PTN: variants seen among roughly 807,000 people sequenced by gnomAD.
PTN encodes the protein heparin affin regulatory protein.
Under a neutral mutation model 24.1 loss-of-function variants are expected in PTN, and 18 were observed. The ratio of observed to expected loss-of-function variants is 0.75; its 90% confidence interval spans 0.52 to 1.11. PTN has a LOEUF of 1.11. Among genes scored for constraint, PTN ranks in the 50% least tolerant of loss-of-function variants. The pLI is 0.00. For missense variants in PTN, 163 were observed against 198.8 expected (o/e 0.82, Z 1.08); for synonymous variants, 78 against 68.6 (o/e 1.14, Z -0.67).
intron 1 of PTN, among the ~76,000 whole-genome samples, chr7:137,324,130 T>C (rs1246947614): frequency 2.0e-5 from 3 of 152,008 alleles, no homozygotes; most frequent in Non-Finnish European, 4.4e-5. Context: ...GCTAGTGCCA[T>C]AGTAGGTCGT....
At chr7:137,274,009 C>A (rs1186248463) in intron 1 of PTN, among the ~76,000 whole-genome samples, 7 of 149,492 alleles carry the variant, frequency 4.7e-5, no homozygotes, top group African/African-American at 1.7e-4. Context: ...AGAATAAGCA[C>A]TAACACCTCA....
chr7:137,254,946 G>A lies in PTN; in HGVS notation c.28C>T (p.Arg10Cys), dbSNP rs200423495. 138 of 1,574,540 alleles carry A rather than the reference G, an allele frequency of 8.8e-5. No homozygotes were observed. The highest frequency in any genetic ancestry group is 5.1e-4 in the Middle Eastern group (3 of 5,894). Reference protein sequence around the residue: MQAQQYQQQRRKFAAAFLAF... With the variant: MQAQQYQQQCRKFAAAFLAF... ...AAGAAGGCAGCTGCAAATTTTCGAC[G>A]CTGCTGCTGGTACTGTTGAGCCTGC... The change falls in exon 2 of 5, where the codon CGT becomes TGT. Residue 10 changes from arginine to cysteine, a missense_variant. Arg to Cys is a radical substitution (Grantham distance 180). Coordinates refer to ENST00000348225, the MANE Select transcript of PTN (RefSeq NM_002825.7).
intron 1 of PTN, among the ~76,000 whole-genome samples, chr7:137,258,758 G>A (rs570559849): frequency 1.3e-5 from 2 of 152,160 alleles, no homozygotes; most frequent in African/African-American, 4.8e-5. Context: ...ATAGTTGATT[G>A]TTTATTTGTC....
chr7:137,296,866 T>C (rs1281370068), intron 1 of PTN, among the ~76,000 whole-genome samples: 1 of 152,020 alleles, frequency 6.6e-6, no homozygotes, highest in Non-Finnish European at 1.5e-5. Context: ...TCGAAGCAGA[T>C]TGGATGGCCT....
At chr7:137,239,970 T>A (rs1349742015) in intron 4 of PTN, among the ~76,000 whole-genome samples, 1 of 152,146 alleles carries the variant, frequency 6.6e-6, no homozygotes, top group Admixed American at 6.5e-5. Flanking sequence ...AAGCTCTCTT[T>A]GGCCTGAAGG....
At chr7:137,257,070 A>G (rs975781660) in intron 1 of PTN, among the ~76,000 whole-genome samples, 5 of 152,216 alleles carry the variant, frequency 3.3e-5, no homozygotes, top group Admixed American at 6.5e-5. Context: ...GGGAATGTAA[A>G]TAAGTGTTGT....
At chr7:137,324,061 G>C (rs1810209429) in intron 1 of PTN, among the ~76,000 whole-genome samples, 1 of 152,106 alleles carries the variant, frequency 6.6e-6, no homozygotes, top group Admixed American at 6.5e-5. Flanking sequence ...AAATCAGCCA[G>C]TTGTAGAGGC....
intron 1 of PTN, among the ~76,000 whole-genome samples, chr7:137,302,028 AAC>A (rs776941191): frequency 2.0e-5 from 3 of 152,050 alleles, no homozygotes; most frequent in Non-Finnish European, 4.4e-5. Flanking sequence ...CAATAGCATT[AAC>A]AGTTATTTCT....
chr7:137,289,105 A>C (rs188209966), intron 1 of PTN, among the ~76,000 whole-genome samples: 1 of 152,198 alleles, frequency 6.6e-6, no homozygotes, highest in South Asian at 2.1e-4. Context: ...AAGAGAATCA[A>C]AGAGGTTCAG....
intron 1 of PTN, chr7:137,326,796 CTG>C (rs554415650): frequency 2.7e-4 from 41 of 152,278 alleles, no homozygotes; most frequent in African/African-American, 9.4e-4. Context: ...TGAAATTTCA[CTG>C]ATTAGCTATT....
At chr7:137,316,910 C>A (rs1452950152) in intron 1 of PTN, among the ~76,000 whole-genome samples, 1 of 152,170 alleles carries the variant, frequency 6.6e-6, no homozygotes, top group Non-Finnish European at 1.5e-5. Flanking sequence ...GTCACAGCCA[C>A]CCCTCGGTGC....
chr7:137,258,505 A>G (rs992876022), intron 1 of PTN, among the ~76,000 whole-genome samples: 2 of 152,138 alleles, frequency 1.3e-5, no homozygotes, highest in Admixed American at 6.6e-5. Context: ...TATTTTGTTC[A>G]TCATTCTACT....
intron 1 of PTN, among the ~76,000 whole-genome samples, chr7:137,273,221 T>C (rs1228487081): frequency 1.3e-5 from 2 of 152,174 alleles, no homozygotes; most frequent in Admixed American, 6.5e-5. Flanking sequence ...AAATAAAGAA[T>C]AAAAATGGCC....
intron 1 of PTN, among the ~76,000 whole-genome samples, chr7:137,328,661 G>C (rs1012935720): frequency 6.6e-6 from 1 of 152,140 alleles, no homozygotes; most frequent in African/African-American, 2.4e-5. Flanking sequence ...TGGAGAAACA[G>C]ATTGAGCAGC....
chr7:137,247,141 A>G (rs1315342981), intron 4 of PTN, among the ~76,000 whole-genome samples: 3 of 152,178 alleles, frequency 2.0e-5, no homozygotes, highest in Non-Finnish European at 4.4e-5. Flanking sequence ...ATTTTGAGAA[A>G]AGTTTAGTTA....
chr7:137,295,605 C>T (rs573490290), intron 1 of PTN, among the ~76,000 whole-genome samples: 26 of 152,026 alleles, frequency 1.7e-4, no homozygotes, highest in African/African-American at 6.0e-4. Flanking sequence ...ATATCATTCA[C>T]AAGTTTATAT....
chr7:137,238,106 C>T (rs941110991), intron 4 of PTN, among the ~76,000 whole-genome samples: 3 of 152,166 alleles, frequency 2.0e-5, no homozygotes, highest in Non-Finnish European at 4.4e-5. Flanking sequence ...ATTTTCATGG[C>T]CTCTGTGCAC....
chr7:137,332,335 T>TA (rs1810372726), intron 1 of PTN, among the ~76,000 whole-genome samples: 1 of 152,180 alleles, frequency 6.6e-6, no homozygotes, highest in Non-Finnish European at 1.5e-5. Flanking sequence ...ATGGGAAAAA[T>TA]AATGTGTTTC....
At chr7:137,269,159 GTTC>G (rs148122356) in intron 1 of PTN, among the ~76,000 whole-genome samples, 4,297 of 152,194 alleles carry the variant, frequency 0.028, 91 homozygotes, top group African/African-American at 0.055. Flanking sequence ...CACAAAATCT[GTTC>G]TTCTGTTCTT....
Sources: allele counts gnomAD v4.1 joint callset (sites outside exome capture counted in the v4.1 genomes callset), GRCh38; gene constraint gnomAD v4.1.1; transcripts MANE v1.5; gene names NCBI Gene and HGNC (gene_info 2026-07-23, HGNC 2026-07-21).